NUP210: variants seen among roughly 807,000 people sequenced by gnomAD.
NUP210 encodes nuclear pore membrane glycoprotein 210.
NUP210 carries 151 observed loss-of-function variants against 196.0 expected under a neutral mutation model. That is an observed-to-expected ratio of 0.77 (90% CI 0.67 to 0.88). The LOEUF (loss-of-function observed/expected upper bound fraction) is 0.88. Ranked by LOEUF, NUP210 falls within the 40% of genes least tolerant of loss-of-function variation. The pLI, the probability that NUP210 is intolerant of heterozygous loss-of-function variation, is 0.00. For synonymous variants in NUP210, 1,070 were observed against 1,052.7 expected (o/e 1.02, Z -0.32); for missense variants, 2,314 against 2,493.7 (o/e 0.93, Z 1.53).
chr3:13,417,136 G>C (rs971847097), intron 1 of NUP210, among the ~76,000 whole-genome samples: 4 of 152,272 alleles, frequency 2.6e-5, no homozygotes, highest in African/African-American at 7.2e-5. Flanking sequence ...CCAGTCCCCA[G>C]GTCTAATGGC....
chr3:13,403,175 G>A (rs1699895973), intron 1 of NUP210, among the ~76,000 whole-genome samples: 1 of 152,212 alleles, frequency 6.6e-6, no homozygotes, highest in Non-Finnish European at 1.5e-5. Flanking sequence ...AGAGCTCACA[G>A]TCACACGTCT....
intron 6 of NUP210, among the ~76,000 whole-genome samples, chr3:13,383,043 G>A (rs532932178): frequency 1.3e-5 from 2 of 152,162 alleles, no homozygotes; most frequent in Admixed American, 1.3e-4. Context: ...ACTCAGGGGT[G>A]TGAGGTGAGA....
At chr3:13,343,339 T>TGGG (rs1697596825) in intron 20 of NUP210, 36 bp from the exon 21 acceptor site, 48 of 282,462 alleles carry the variant, frequency 1.7e-4, no homozygotes, top group East Asian at 2.5e-4. Context: ...GGGTGGGTGG[T>TGGG]GGGTTACGCA....
In NUP210 at chr3:13,323,978, C is replaced by A. The variant is rs953610688; in HGVS notation, c.4645-546G>T. On this transcript the variant is annotated intron_variant, in intron 33 of 39. Coordinates refer to ENST00000254508, the MANE Select transcript of NUP210 (RefSeq NM_024923.4). This position sits in a 1 kb window ranked among gnomAD's most constrained non-coding sequence, Gnocchi z 4.3. Reference sequence around the variant, plus strand: ...CTTCCTGCAGCTGAAGGCCCCCCTCCCTCTCTCAGCAGGCACCAGCGCTCC... The same window carrying A: ...CTTCCTGCAGCTGAAGGCCCCCCTCACTCTCTCAGCAGGCACCAGCGCTCC... 4.6e-5 allele frequency among the ~76,000 whole-genome samples: 7 copies of A among 152,192 alleles called. No individual in the cohort carries two copies. The highest frequency in any genetic ancestry group is 7.4e-5 in the Non-Finnish European group (5 of 68,006).
chr3:13,328,951 G>A lies in NUP210; in HGVS notation c.4111-5C>T. The A allele has an allele frequency of 6.2e-7, 1 of 1,613,298 alleles. No homozygotes were observed. Among genetic ancestry groups the A allele is most frequent in the Non-Finnish European group, 8.5e-7 (1 of 1,179,630 alleles). On this transcript the variant is annotated splice_polypyrimidine_tract_variant and splice_region_variant and intron_variant, in intron 30 of 39. Transcript: ENST00000254508. ...CAGGTAGGAAACAGGGGATACCTAAGGGACAACATACAGGTATGATGAGGA... is the reference window on the plus strand; with the variant it reads ...CAGGTAGGAAACAGGGGATACCTAAAGGACAACATACAGGTATGATGAGGA...
chr3:13,377,352 AGCCTGCAT>A, intron 9 of NUP210, 96 bp downstream of exon 9: 3 of 791,366 alleles, frequency 3.8e-6, no homozygotes, highest in Non-Finnish European at 6.5e-6. Context: ...CTCCTCGGTC[AGCCTGCAT>A]GGGGGCTCCT....
At chr3:13,359,284 G>A (rs1698291488) in intron 15 of NUP210, among the ~76,000 whole-genome samples, 1 of 152,136 alleles carries the variant, frequency 6.6e-6, no homozygotes, top group South Asian at 2.1e-4. Flanking sequence ...GGGATGGTGG[G>A]GTCATGCCAG....
Position 13,323,631 on chromosome 3 carries a change from C to A in NUP210, c.4645-199G>T, listed in dbSNP as rs1696628623. 6.6e-6 allele frequency among the ~76,000 whole-genome samples: 1 copy of A among 152,216 alleles called. No homozygotes were observed. The highest frequency in any genetic ancestry group is 2.4e-5 in the African/African-American group (1 of 41,458). On this transcript the variant is annotated intron_variant, in intron 33 of 39. Coordinates refer to ENST00000254508, the MANE Select transcript of NUP210 (RefSeq NM_024923.4). This position sits in a 1 kb window ranked among gnomAD's most constrained non-coding sequence, Gnocchi z 4.3. ...AGCCCAGTCTGGTCAGACTTCACAG[C>A]CCAGTTCTCCCATTGAACAAGCTGC...
At position 13,391,314 on chromosome 3, in the gene NUP210, G is replaced by A; in HGVS notation, c.437-7C>T. ...AGAGTGCTGAAGGTGTTCCCTATAA[G>A]AGCAGATGGGAGAGGCAGACAGATA... On this transcript the variant is annotated splice_region_variant and splice_polypyrimidine_tract_variant and intron_variant, in intron 3 of 39. Transcript: ENST00000254508. 1.9e-6 allele frequency: 3 copies of A among 1,582,104 alleles called. No homozygotes were observed. The highest frequency in any genetic ancestry group is 8.6e-7 in the Non-Finnish European group (1 of 1,156,686).
chr3:13,376,737 G>A (rs1380490517), intron 9 of NUP210, among the ~76,000 whole-genome samples: 1 of 152,164 alleles, frequency 6.6e-6, no homozygotes, highest in African/African-American at 2.4e-5. Flanking sequence ...GAAGGAACCA[G>A]TAAATACAAA....
At position 13,391,203 on chromosome 3, in the gene NUP210, C is replaced by T. The variant is rs777918049; in HGVS notation, c.533+8G>A. ...AAAGGGGCCAGGCCTAGCAGAGGCA[C>T]CCCTTACCGCAGCGCATTGTGGGAG... On this transcript the variant is annotated splice_region_variant and intron_variant, in intron 4 of 39. Coordinates refer to ENST00000254508, the MANE Select transcript of NUP210 (RefSeq NM_024923.4). 1.2e-6 allele frequency: 2 copies of T among 1,606,232 alleles called. No individual in the cohort carries two copies. The highest frequency in any genetic ancestry group is 2.2e-5 in the East Asian group (1 of 44,640).
chr3:13,332,666 C>T (rs1183802591), intron 28 of NUP210, among the ~76,000 whole-genome samples: 1 of 152,152 alleles, frequency 6.6e-6, no homozygotes, highest in African/African-American at 2.4e-5. Context: ...ACTGTAGTCC[C>T]AGCTACTTGG....
chr3:13,345,011 T>C, intron 20 of NUP210: 1 of 985,438 alleles, frequency 1.0e-6, no homozygotes, highest in Middle Eastern at 5.2e-4. Context: ...GGACCCACAG[T>C]GCACTTGGCC....
At position 13,392,096 on chromosome 3, in the gene NUP210, T is replaced by C. The variant is rs1004058004; in HGVS notation, c.437-789A>G. Among the ~76,000 whole-genome samples, 34 of 152,064 alleles carry C rather than the reference T, an allele frequency of 2.2e-4. 2 individuals carry two copies. The highest frequency in any genetic ancestry group is 8.0e-4 in the African/African-American group (33 of 41,398). On this transcript the variant is annotated intron_variant, in intron 3 of 39. Coordinates refer to ENST00000254508, the MANE Select transcript of NUP210 (RefSeq NM_024923.4). ...TTCCACGCCTGTTCCACATCCCTCA[T>C]CCACACTCCCCTTCTGACCAGCTCC... is the stretch of plus-strand genomic sequence containing the variant.
At chr3:13,396,159 C>T (rs1324328798) in intron 3 of NUP210, among the ~76,000 whole-genome samples, 1 of 152,188 alleles carries the variant, frequency 6.6e-6, no homozygotes, top group Non-Finnish European at 1.5e-5. Flanking sequence ...ATTGTCATGG[C>T]TTGGGAGACA....
Position 13,420,185 on chromosome 3 carries a change from C to T in NUP210, c.42G>A (p.Ser14=), listed in dbSNP as rs762884234. 1.5e-5 allele frequency: 19 copies of T among 1,240,006 alleles called. No individual in the cohort carries two copies. The East Asian group carries it at 6.7e-4, about 44-fold the overall frequency. 76.8% of individuals were successfully genotyped at this position (1,240,006 alleles called of 1,614,324 possible). The stretch of plus-strand genomic sequence containing the variant: ...CGGAGGGGCCCGCCGCCAACAGCAC[C>T]GACAGCGTCAGCAGCAGCAGCCCCC... The part of the protein sequence containing the change: ...RGRGLLLLTL[S]VLLAAGPSAA... The change falls in exon 1 of 40, where the codon TCG becomes TCA. Residue 14 remains serine (S), a synonymous_variant. Coordinates refer to ENST00000254508, the MANE Select transcript of NUP210 (RefSeq NM_024923.4). This position sits in a 1 kb window ranked among gnomAD's most constrained non-coding sequence, Gnocchi z 4.8.
rs745736089 is a variant in NUP210 at position 13,321,621 on chromosome 3, C to T, written c.5130G>A (p.Arg1710=). 6.2e-7 allele frequency: 1 copy of T among 1,614,128 alleles called. No homozygotes were observed. Among genetic ancestry groups the T allele is most frequent in the Non-Finnish European group, 8.5e-7 (1 of 1,179,998 alleles). Residue 1710 remains arginine, a synonymous_variant, in exon 36 of 40, where the codon AGG becomes AGA. Transcript: ENST00000254508. ...LSNHYTSSEI[R]VFGAPEVLEN... ...CCAGAACCTCCGGGGCACCAAAGAC[C>T]CTGATCTCGGAACTGGTGTAGTGGT... is the stretch of plus-strand genomic sequence containing the variant.
rs545120777 is a variant in NUP210 at position 13,372,081 on chromosome 3, C to G, written c.1588-49G>C. 2.7e-6 allele frequency: 4 copies of G among 1,478,204 alleles called. No individual in the cohort carries two copies. The African/African-American group carries it at 5.6e-5, about 21-fold the overall frequency. 91.6% of individuals were successfully genotyped at this position (1,478,204 alleles called of 1,614,324 possible). A position where few individuals can be genotyped will look rare whatever the true frequency, so the allele number is the denominator to read the frequency against. On this transcript the variant is annotated intron_variant, in intron 12 of 39. Transcript: ENST00000254508. ...GGCTCAGCTGCCTCCACAGGAGAGG[C>G]AGGGCCTGTTGCTCGGATATCCTAA... is the stretch of plus-strand genomic sequence containing the variant.
At position 13,397,568 on chromosome 3, in the gene NUP210, C is replaced by T. The variant is rs1699703877; in HGVS notation, c.305-80G>A. 8.3e-6 allele frequency: 12 copies of T among 1,439,986 alleles called. No individual in the cohort carries two copies. The South Asian group carries it at 1.7e-4, about 20-fold the overall frequency. 89.2% of individuals were successfully genotyped at this position (1,439,986 alleles called of 1,614,324 possible). A position where few individuals can be genotyped will look rare whatever the true frequency, so the allele number is the denominator to read the frequency against. ...CACTTCCAAGCCTTGCAGGCTTACA[C>T]TCTGGCAAAGACCACGGCAACCACC... On this transcript the variant is annotated intron_variant, in intron 2 of 39. Coordinates refer to ENST00000254508, the MANE Select transcript of NUP210 (RefSeq NM_024923.4).
Sources: gnomAD v4.1 joint callset for allele counts (sites outside exome capture counted in the v4.1 genomes callset) on GRCh38, gnomAD v4.1.1 for gene constraint, Gnocchi (gnomAD v3.1) non-coding constraint, MANE v1.5 for transcripts, NCBI Gene and HGNC (gene_info 2026-07-23, HGNC 2026-07-21) for gene names.